DZIP1: variants seen among roughly 807,000 people sequenced by gnomAD.
DZIP1 encodes the protein DAZ interacting zinc finger protein 1, also known as cilium assembly protein DZIP1.
DZIP1 carries 97 observed loss-of-function variants against 107.6 expected under a neutral mutation model. The observed-to-expected ratio is 0.90, with a 90% CI of 0.77 to 1.07. The LOEUF (loss-of-function observed/expected upper bound fraction) is 1.07, where lower values mean the gene tolerates loss of function less well. Ranked by LOEUF, DZIP1 falls within the 50% of genes least tolerant of loss-of-function variation. DZIP1 has a pLI of 0.00. For synonymous variants in DZIP1, 390 were observed against 386.4 expected, an observed-to-expected ratio of 1.01 and a Z score of -0.11; for missense variants, 1,035 against 1,063.6, an observed-to-expected ratio of 0.97 and a Z score of 0.37.
chr13:95,626,888 CA>C (rs1232553307), intron 7 of DZIP1, among the ~76,000 whole-genome samples: 1 of 152,138 alleles, frequency 6.6e-6, no homozygotes, highest in Admixed American at 6.5e-5. Flanking sequence ...AATGGAAAGA[CA>C]TCCCATGTTC....
chr13:95,624,416 G>A (rs757937665), intron 8 of DZIP1, among the ~76,000 whole-genome samples: 2 of 152,188 alleles, frequency 1.3e-5, no homozygotes, highest in East Asian at 1.9e-4. Flanking sequence ...AGCCTTTCTG[G>A]GTCTGCTTCT....
chr13:95,614,805 A>T (rs1156717684), intron 10 of DZIP1, among the ~76,000 whole-genome samples: 3 of 152,104 alleles, frequency 2.0e-5, no homozygotes, highest in African/African-American at 7.2e-5. Flanking sequence ...CTTATCTGTG[A>T]CTGCCTGTGA....
chr13:95,629,219 A>G (rs1022378277), intron 7 of DZIP1, among the ~76,000 whole-genome samples: 6 of 152,222 alleles, frequency 3.9e-5, no homozygotes, highest in Non-Finnish European at 5.9e-5. Context: ...TACTCTCTCC[A>G]TTAGGTACAC....
At chr13:95,596,551 C>A (rs560034468) in intron 15 of DZIP1, among the ~76,000 whole-genome samples, 1 of 152,304 alleles carries the variant, frequency 6.6e-6, no homozygotes, top group Middle Eastern at 3.4e-3. Context: ...GCCACATCAG[C>A]TTCCCTTTCT....
chr13:95,601,805 T>C (rs1406783630), intron 14 of DZIP1, among the ~76,000 whole-genome samples: 1 of 152,198 alleles, frequency 6.6e-6, no homozygotes, highest in Non-Finnish European at 1.5e-5. Context: ...CCACCCATTA[T>C]CAGAGTTCAC....
rs886645820 is a variant in DZIP1, at chr13:95,581,662, T to G, written c.*572A>C. On this transcript the variant is annotated 3_prime_UTR_variant, in exon 23 of 23. Coordinates refer to ENST00000376829, the MANE Select transcript of DZIP1 (RefSeq NM_198968.4). Reference sequence around the variant, plus strand: ...GTCTTGAACTCCTGTGCTCAAGTTATCCTCCCACCTCAGCCTCCCAAGTAG... The same window carrying G: ...GTCTTGAACTCCTGTGCTCAAGTTAGCCTCCCACCTCAGCCTCCCAAGTAG... 6.6e-6 allele frequency: 1 copy of G among 152,176 alleles called. No homozygotes were observed. The highest frequency in any genetic ancestry group is 2.4e-5 in the African/African-American group (1 of 41,388). 9.4% of individuals were successfully genotyped at this position (152,176 alleles called of 1,614,324 possible).
chr13:95,583,726 C>T (rs1004743293), intron 22 of DZIP1, among the ~76,000 whole-genome samples: 1 of 152,124 alleles, frequency 6.6e-6, no homozygotes, highest in Admixed American at 6.5e-5. Context: ...CAGACTAATA[C>T]AGAGAGACTG....
intron 8 of DZIP1, among the ~76,000 whole-genome samples, chr13:95,623,259 G>C (rs765403105): frequency 1.3e-5 from 2 of 152,096 alleles, no homozygotes; most frequent in African/African-American, 2.4e-5. Flanking sequence ...AACCACAGAA[G>C]GTAACACATT....
At chr13:95,622,888 G>A (rs944847317) in intron 8 of DZIP1, among the ~76,000 whole-genome samples, 9 of 151,786 alleles carry the variant, frequency 5.9e-5, no homozygotes, top group East Asian at 1.9e-4. Context: ...GACTACAGGC[G>A]TGCACCACCA....
intron 7 of DZIP1, among the ~76,000 whole-genome samples, chr13:95,627,324 T>C (rs1876661309): frequency 6.6e-6 from 1 of 152,156 alleles, no homozygotes; most frequent in Admixed American, 6.5e-5. Flanking sequence ...AAGTATAAAG[T>C]TGGGCCCCTC....
At chr13:95,634,352 T>C (rs1389756553) in intron 5 of DZIP1, among the ~76,000 whole-genome samples, 1 of 152,252 alleles carries the variant, frequency 6.6e-6, no homozygotes. Context: ...CTTTTCATCC[T>C]CATACATCTC....
At chr13:95,598,102 G>A (rs1297447763) in intron 15 of DZIP1, among the ~76,000 whole-genome samples, 2 of 152,126 alleles carry the variant, frequency 1.3e-5, no homozygotes, top group Admixed American at 1.3e-4. Flanking sequence ...CCCTCAACAA[G>A]TTTTTATGGC....
intron 19 of DZIP1, 117 bp from the exon 20 acceptor site, chr13:95,587,846 A>C (rs2138789241): frequency 7.7e-7 from 1 of 1,291,214 alleles, no homozygotes; most frequent in East Asian, 2.5e-5. Flanking sequence ...CTCAGTGGGC[A>C]CAAGTGCCTT....
intron 5 of DZIP1, among the ~76,000 whole-genome samples, chr13:95,638,959 T>C (rs1372753145): frequency 6.6e-6 from 1 of 152,212 alleles, no homozygotes; most frequent in East Asian, 1.9e-4. Flanking sequence ...ACTCACATGA[T>C]AGCAGTCATA....
intron 5 of DZIP1, among the ~76,000 whole-genome samples, chr13:95,637,406 T>C (rs551367289): frequency 2.8e-4 from 43 of 152,170 alleles, no homozygotes; most frequent in African/African-American, 1.0e-3. Context: ...TTTAATGAGA[T>C]AATTAAGGTT....
chr13:95,585,018 A>C (rs1566356980), intron 21 of DZIP1, 108 bp from the exon 22 acceptor site: 1 of 806,310 alleles, frequency 1.2e-6, no homozygotes, highest in Non-Finnish European at 1.9e-6. Flanking sequence ...TAAGGAAAGA[A>C]GTGGGGAACT....
chr13:95,625,203 A>T (rs1254746782), intron 7 of DZIP1, among the ~76,000 whole-genome samples: 3 of 152,218 alleles, frequency 2.0e-5, no homozygotes, highest in African/African-American at 7.2e-5. Context: ...AACTTGTATA[A>T]AAGTCATGCC....
rs745478883 is a variant in DZIP1 at position 95,630,081 on chromosome 13, G to A, written c.718C>T (p.Arg240Trp). The A allele has an allele frequency of 1.4e-5, 23 of 1,613,226 alleles. No individual in the cohort carries two copies. Among genetic ancestry groups the A allele is most frequent in the East Asian group, 4.5e-5 (2 of 44,862 alleles). Residue 240 changes from arginine to tryptophan, a missense_variant, in exon 7 of 23, where the codon CGG becomes TGG. By Grantham distance (101) the Arg-to-Trp change is moderately radical. Transcript: ENST00000376829. The part of the protein sequence containing the change: ...YQKNAQIEKL[R>W]SEIVVLKEEL... ...TCCTTCAATACGACGATCTCACTCC[G>A]GAGCTTCTCAATCTGTGCATTTTTC...
intron 10 of DZIP1, among the ~76,000 whole-genome samples, chr13:95,619,258 C>T (rs561449207): frequency 6.6e-6 from 1 of 152,242 alleles, no homozygotes; most frequent in Non-Finnish European, 1.5e-5. Flanking sequence ...AAACATAATT[C>T]GAATGTTGTA....
Sources: gnomAD v4.1 joint callset for allele counts (sites outside exome capture counted in the v4.1 genomes callset) on GRCh38, gnomAD v4.1.1 for gene constraint, MANE v1.5 for transcripts, NCBI Gene and HGNC (gene_info 2026-07-23, HGNC 2026-07-21) for gene names.